The following HOMER1 variants were observed in gnomAD, a reference collection of about 807,000 sequenced individuals.
HOMER1 encodes homer scaffold protein 1, also known as homer protein homolog 1.
Under a neutral mutation model 48.9 loss-of-function variants are expected in HOMER1, and 3 were observed. The observed-to-expected ratio is 0.06, with a 90% CI of 0.03 to 0.16. The LOEUF is 0.16. HOMER1 is among the 10% of genes least tolerant of loss of function. HOMER1 has a pLI of 1.00. For synonymous variants in HOMER1, 134 were observed against 146.4 expected (o/e 0.92, Z 0.61); for missense variants, 247 against 411.4 (o/e 0.60, Z 3.46).
chr5:79,485,284 T>C (rs1314219315), intron 1 of HOMER1, among the ~76,000 whole-genome samples: 2 of 152,170 alleles, frequency 1.3e-5, no homozygotes, highest in Non-Finnish European at 2.9e-5. Flanking sequence ...GATAGAGGAA[T>C]AGAAAACAGA....
intron 1 of HOMER1, among the ~76,000 whole-genome samples, chr5:79,495,022 T>A (rs2112364004): frequency 6.6e-6 from 1 of 152,328 alleles, no homozygotes; most frequent in African/African-American, 2.4e-5. Context: ...TATTCTCCTC[T>A]ATCATTTCTA....
Position 79,419,056 on chromosome 5 carries a change from T to C in HOMER1, c.528-17001A>G, listed in dbSNP as rs149276649. Among the ~76,000 whole-genome samples the C allele has an allele frequency of 4.1e-3, 625 of 152,256 alleles. 6 individuals are homozygous for C. Among genetic ancestry groups the C allele is most frequent in the African/African-American group, 0.014 (589 of 41,552 alleles). ...ATCATTGCAAAATTTGCAAAACATA[T>C]TTCAAAATGCAGAATAGTTACAAAT... On this transcript the variant is annotated intron_variant, in intron 5 of 8. Coordinates refer to ENST00000334082, the MANE Select transcript of HOMER1 (RefSeq NM_004272.5).
At chr5:79,441,997 C>T in intron 4 of HOMER1, among the ~76,000 whole-genome samples, 1 of 145,304 alleles carries the variant, frequency 6.9e-6, no homozygotes, top group Admixed American at 6.9e-5. Context: ...ATACCCAAAG[C>T]TGATAAGAAA....
intron 5 of HOMER1, among the ~76,000 whole-genome samples, chr5:79,418,815 GCT>G (rs1213000420): frequency 1.3e-5 from 2 of 152,038 alleles, no homozygotes; most frequent in African/African-American, 2.4e-5. Context: ...CTATTCCTTT[GCT>G]CTGTTACCTT....
At chr5:79,488,816 T>C (rs115912251) in intron 1 of HOMER1, among the ~76,000 whole-genome samples, 2,326 of 152,294 alleles carry the variant, frequency 0.015, 61 homozygotes, top group African/African-American at 0.05. Flanking sequence ...CATATTCTCA[T>C]TTCACAGATG....
At chr5:79,484,316 AAAG>A (rs57114930) in intron 1 of HOMER1, among the ~76,000 whole-genome samples, 12,016 of 152,146 alleles carry the variant, frequency 0.079, 1,046 homozygotes, top group East Asian at 0.23. Flanking sequence ...GCAAAAGAGA[AAAG>A]AAGGAGAGGA....
intron 8 of HOMER1, among the ~76,000 whole-genome samples, chr5:79,386,208 T>C (rs1409963015): frequency 1.3e-5 from 2 of 152,156 alleles, no homozygotes; most frequent in African/African-American, 4.8e-5. Context: ...AGACATGGAA[T>C]CAACCTAAGT....
chr5:79,401,328 T>C (rs1274431226), intron 6 of HOMER1, among the ~76,000 whole-genome samples: 1 of 152,020 alleles, frequency 6.6e-6, no homozygotes, highest in Non-Finnish European at 1.5e-5. Context: ...ACAGGAATTG[T>C]ACAGAGTACT....
At chr5:79,428,613 C>T (rs937884318) in intron 5 of HOMER1, among the ~76,000 whole-genome samples, 22 of 152,180 alleles carry the variant, frequency 1.4e-4, no homozygotes, top group Middle Eastern at 3.4e-3. Flanking sequence ...AAGATCACTA[C>T]ACAACAATCA....
intron 1 of HOMER1, among the ~76,000 whole-genome samples, chr5:79,464,004 G>A (rs1358927234): frequency 6.6e-6 from 1 of 152,156 alleles, no homozygotes; most frequent in African/African-American, 2.4e-5. Context: ...TTGCTTCTGG[G>A]GATGGGGCTC....
chr5:79,508,324 T>TA (rs1752834891), intron 1 of HOMER1, among the ~76,000 whole-genome samples: 1 of 152,164 alleles, frequency 6.6e-6, no homozygotes, highest in Admixed American at 6.5e-5. Flanking sequence ...GAGTGTACCA[T>TA]ACAAAGCAAG....
At chr5:79,462,182 A>G (rs1305491870) in intron 1 of HOMER1, among the ~76,000 whole-genome samples, 1 of 152,242 alleles carries the variant, frequency 6.6e-6, no homozygotes, top group East Asian at 1.9e-4. Flanking sequence ...CCTGGGCGAC[A>G]GAGCGAGACT....
chr5:79,501,183 C>G (rs1752577045), intron 1 of HOMER1, among the ~76,000 whole-genome samples: 3 of 152,066 alleles, frequency 2.0e-5, no homozygotes, highest in African/African-American at 4.8e-5. Context: ...GTTGCCCAGG[C>G]TGGTCTCGAA....
chr5:79,485,054 T>G (rs191650717), intron 1 of HOMER1, among the ~76,000 whole-genome samples: 1 of 151,426 alleles, frequency 6.6e-6, no homozygotes, highest in African/African-American at 2.4e-5. Context: ...TGATAACCAA[T>G]CTTGTTAGAA....
chr5:79,500,748 C>T (rs531098402), intron 1 of HOMER1, among the ~76,000 whole-genome samples: 1 of 148,400 alleles, frequency 6.7e-6, no homozygotes, highest in East Asian at 2.0e-4. Context: ...CCTCAACTTC[C>T]TGAGAAGCTG....
At chr5:79,378,387 G>A (rs998025111) in intron 8 of HOMER1, among the ~76,000 whole-genome samples, 1 of 150,738 alleles carries the variant, frequency 6.6e-6, no homozygotes, top group African/African-American at 2.5e-5. Flanking sequence ...GATTTTTAAA[G>A]GAAGAATTTA....
At chr5:79,458,840 AC>A (rs1751240760) in intron 1 of HOMER1, among the ~76,000 whole-genome samples, 2 of 152,186 alleles carry the variant, frequency 1.3e-5, no homozygotes, top group African/African-American at 4.8e-5. Flanking sequence ...AATTGGGAAT[AC>A]GTCTTATTCA....
intron 1 of HOMER1, among the ~76,000 whole-genome samples, chr5:79,511,165 AT>A (rs139279646): frequency 6.6e-6 from 1 of 152,032 alleles, no homozygotes. Flanking sequence ...CTGCTGCTTG[AT>A]TTTTTTTCCT....
At chr5:79,490,361 A>G (rs1440624413) in intron 1 of HOMER1, among the ~76,000 whole-genome samples, 1 of 152,214 alleles carries the variant, frequency 6.6e-6, no homozygotes, top group Non-Finnish European at 1.5e-5. Context: ...AAAGTTTCCC[A>G]TAACTGGTAA....
Sources: gnomAD v4.1 joint callset for allele counts (sites outside exome capture counted in the v4.1 genomes callset) on GRCh38, gnomAD v4.1.1 for gene constraint, MANE v1.5 for transcripts, NCBI Gene and HGNC (gene_info 2026-07-23, HGNC 2026-07-21) for gene names.